The following RAPGEF6 variants were observed in gnomAD, a reference collection of about 807,000 sequenced individuals.
RAPGEF6 encodes the protein PDZ domain containing guanine nucleotide exchange factor (GEF) 2.
RAPGEF6 carries 56 observed loss-of-function variants against 171.4 expected under a neutral mutation model. The ratio of observed to expected loss-of-function variants is 0.33; its 90% CI spans 0.26 to 0.41. The LOEUF is 0.41. RAPGEF6 is among the 10% of genes least tolerant of loss of function. The probability of loss-of-function intolerance (pLI) is 1.00; values close to 1 mark genes in which losing one functional copy is unlikely to be tolerated. For missense variants in RAPGEF6, 1,674 were observed against 1,921.4 expected (o/e 0.87, Z 2.41); for synonymous variants, 692 against 650.1 (o/e 1.06, Z -0.98).
chr5:131,535,888 C>T (rs1478560227), intron 6 of RAPGEF6, among the ~76,000 whole-genome samples: 2 of 151,998 alleles, frequency 1.3e-5, no homozygotes, highest in Non-Finnish European at 2.9e-5. Context: ...AGAAAGGTTA[C>T]CATAGATGAA....
chr5:131,623,123 G>A (rs1359874706), intron 1 of RAPGEF6, among the ~76,000 whole-genome samples: 1 of 152,166 alleles, frequency 6.6e-6, no homozygotes, highest in Non-Finnish European at 1.5e-5. Flanking sequence ...ACACCTAGCA[G>A]AGCATGAAAA....
chr5:131,488,931 G>C lies in RAPGEF6; in HGVS notation c.1840+615C>G, dbSNP rs150594688. On this transcript the variant is annotated intron_variant, in intron 15 of 27. Transcript: ENST00000509018. The stretch of plus-strand genomic sequence containing the variant: ...AAATCACATTAAATCTTTCCTAAAA[G>C]TTTAAAAAAACACACAGTAGATTTG... 3.2e-3 allele frequency among the ~76,000 whole-genome samples: 485 copies of C among 152,112 alleles called. 6 individuals carry two copies. The highest frequency in any genetic ancestry group is 0.011 in the African/African-American group (476 of 41,506).
At position 131,442,420 on chromosome 5, in the gene RAPGEF6, T is replaced by A; in HGVS notation, c.3539A>T (p.Gln1180Leu). Reference protein sequence around the residue: ...AHLHQPHRVSQVLQVPAVNLH... With the variant: ...AHLHQPHRVSLVLQVPAVNLH... Reference sequence around the variant, plus strand: ...ATTAACAGCTGGCACCTGAAGCACCTGGCTTACTCTGTGGGGTTGATGCAA... The same window carrying A: ...ATTAACAGCTGGCACCTGAAGCACCAGGCTTACTCTGTGGGGTTGATGCAA... The change falls in exon 23 of 28, where the codon CAG (glutamine) becomes CTG (leucine). Residue 1180 changes from glutamine to leucine, a missense_variant. This residue lies in a region of RAPGEF6 where 552 missense variants were observed against 574.2 expected (regional missense o/e 0.96). Transcript: ENST00000509018. 1 of 1,614,176 alleles carries A rather than the reference T, an allele frequency of 6.2e-7. No individual in the cohort carries two copies. Among genetic ancestry groups the A allele is most frequent in the Non-Finnish European group, 8.5e-7 (1 of 1,180,014 alleles).
chr5:131,577,851 T>A (rs1339938307), intron 4 of RAPGEF6, among the ~76,000 whole-genome samples: 2 of 152,218 alleles, frequency 1.3e-5, no homozygotes, highest in African/African-American at 2.4e-5. Flanking sequence ...ATAACCCTTA[T>A]GAGCCTAATA....
At chr5:131,506,157 G>A (rs186138937) in intron 9 of RAPGEF6, among the ~76,000 whole-genome samples, 10 of 152,192 alleles carry the variant, frequency 6.6e-5, no homozygotes, top group Non-Finnish European at 1.0e-4. Flanking sequence ...TTATTTATTT[G>A]AGAGATGGGG....
chr5:131,533,059 A>G (rs991311969), intron 6 of RAPGEF6: 1 of 152,502 alleles, frequency 6.6e-6, no homozygotes, highest in Admixed American at 6.6e-5. Context: ...TGGGAGGAGA[A>G]TAGAGCTAAA....
At chr5:131,572,073 G>A (rs907491375) in intron 4 of RAPGEF6, among the ~76,000 whole-genome samples, 2 of 152,064 alleles carry the variant, frequency 1.3e-5, no homozygotes, top group Admixed American at 6.6e-5. Flanking sequence ...CTCCTTTCTT[G>A]GACTCAGCCC....
At chr5:131,571,100 C>T (rs1477045263) in intron 4 of RAPGEF6, among the ~76,000 whole-genome samples, 2 of 151,912 alleles carry the variant, frequency 1.3e-5, no homozygotes, top group Admixed American at 6.6e-5. Flanking sequence ...TGCCACCACA[C>T]CGGGTTAATT....
chr5:131,625,739 C>A (rs1313519967), intron 1 of RAPGEF6, among the ~76,000 whole-genome samples: 4 of 151,728 alleles, frequency 2.6e-5, no homozygotes. Flanking sequence ...TTGTGTGAAC[C>A]CGGGAGGTGG....
chr5:131,482,611 T>C (rs1418438768), intron 15 of RAPGEF6, among the ~76,000 whole-genome samples: 2 of 152,178 alleles, frequency 1.3e-5, no homozygotes, highest in African/African-American at 2.4e-5. Context: ...CCAATACTTT[T>C]TAAATCTAAA....
chr5:131,616,657 G>A (rs1765280218), intron 1 of RAPGEF6, among the ~76,000 whole-genome samples: 1 of 152,148 alleles, frequency 6.6e-6, no homozygotes. Context: ...CTCTGACACA[G>A]GCTCTCGCTA....
At chr5:131,468,331 CA>C (rs397760383) in intron 17 of RAPGEF6, among the ~76,000 whole-genome samples, 605 of 46,102 alleles carry the variant, frequency 0.013, 1 homozygote, top group East Asian at 0.034. Flanking sequence ...GACTCCATCT[CA>C]AAAAAAAAAA....
At chr5:131,586,989 T>G (rs1486171947) in intron 4 of RAPGEF6, among the ~76,000 whole-genome samples, 6 of 152,232 alleles carry the variant, frequency 3.9e-5, no homozygotes, top group African/African-American at 1.4e-4. Context: ...CCCTTTGCTG[T>G]GAGGAAGAGC....
At chr5:131,530,399 C>T (rs1403243058) in intron 6 of RAPGEF6, among the ~76,000 whole-genome samples, 1 of 152,040 alleles carries the variant, frequency 6.6e-6, no homozygotes, top group Non-Finnish European at 1.5e-5. Context: ...TAGAACCATG[C>T]TAATACGACT....
chr5:131,534,593 C>A (rs1759626614), intron 6 of RAPGEF6, among the ~76,000 whole-genome samples: 1 of 120,214 alleles, frequency 8.3e-6, no homozygotes, highest in Admixed American at 1.1e-4. Flanking sequence ...GGTTGGTTTT[C>A]AAGCACCAAT....
intron 17 of RAPGEF6, among the ~76,000 whole-genome samples, chr5:131,464,857 G>A (rs1754220892): frequency 6.6e-6 from 1 of 152,176 alleles, no homozygotes; most frequent in South Asian, 2.1e-4. Flanking sequence ...CTCCAGAGAC[G>A]TTATAATATT....
chr5:131,588,293 G>A (rs1352258011), intron 4 of RAPGEF6, among the ~76,000 whole-genome samples: 1 of 152,178 alleles, frequency 6.6e-6, no homozygotes, highest in Non-Finnish European at 1.5e-5. Context: ...CAGCAAAAGA[G>A]GTTAGTCTAC....
Position 131,479,524 on chromosome 5 carries a change from T to C in RAPGEF6, c.2070A>G (p.Pro690=). 6.2e-7 allele frequency: 1 copy of C among 1,614,016 alleles called. No homozygotes were observed. Among genetic ancestry groups the C allele is most frequent in the South Asian group, 1.1e-5 (1 of 91,080 alleles). ...LDKTRFSILP[P]KLFSDGGLSQ... is the part of the protein sequence containing the mutation. ...TCGGCATTACCTACCTAAATAGCTTTGGAGGCAAGATACTAAATCGTGTTT... is the reference window on the plus strand; with the variant it reads ...TCGGCATTACCTACCTAAATAGCTTCGGAGGCAAGATACTAAATCGTGTTT... Residue 690 remains proline (P), a synonymous_variant, in exon 16 of 28, where the codon CCA becomes CCG. Coordinates refer to ENST00000509018, the MANE Select transcript of RAPGEF6 (RefSeq NM_016340.6).
At chr5:131,434,546 G>A (rs1303373838) in intron 24 of RAPGEF6, among the ~76,000 whole-genome samples, 1 of 152,138 alleles carries the variant, frequency 6.6e-6, no homozygotes, top group Non-Finnish European at 1.5e-5. Flanking sequence ...GCCTGTTTCA[G>A]TTTTTTAAAT....
Sources: gnomAD v4.1 joint callset for allele counts (sites outside exome capture counted in the v4.1 genomes callset) on GRCh38, gnomAD v4.1.1 for gene constraint, gnomAD v4.1.1 regional missense constraint, MANE v1.5 for transcripts, NCBI Gene and HGNC (gene_info 2026-07-23, HGNC 2026-07-21) for gene names.